The following KCNH8 variants were observed in gnomAD, a reference collection of about 807,000 sequenced individuals.
KCNH8 encodes voltage-gated delayed rectifier potassium channel KCNH8.
In KCNH8, 70 loss-of-function variants were observed where a neutral mutation model predicts 103.6. The ratio of observed to expected loss-of-function variants is 0.68; its 90% CI spans 0.56 to 0.82. KCNH8 has a LOEUF of 0.82. Among genes scored for constraint, KCNH8 ranks in the 40% least tolerant of loss-of-function variants. The probability of loss-of-function intolerance (pLI) is 0.00; values close to 1 mark genes in which losing one functional copy is unlikely to be tolerated. For missense variants in KCNH8, 1,217 were observed against 1,329.9 expected (o/e 0.92, Z 1.32); for synonymous variants, 498 against 489.4 (o/e 1.02, Z -0.23).
chr3:19,402,500 A>T (rs2066628157), intron 7 of KCNH8, among the ~76,000 whole-genome samples: 1 of 151,948 alleles, frequency 6.6e-6, no homozygotes, highest in Admixed American at 6.6e-5. Flanking sequence ...GCAAATTGAA[A>T]AGTGCTATAG....
At chr3:19,487,895 CAG>C (rs2068242842) in intron 11 of KCNH8, among the ~76,000 whole-genome samples, 1 of 152,176 alleles carries the variant, frequency 6.6e-6, no homozygotes, top group African/African-American at 2.4e-5. Flanking sequence ...CCGTGGTAGA[CAG>C]AAAGCCTGCT....
chr3:19,496,008 G>C (rs1038939429), intron 11 of KCNH8, among the ~76,000 whole-genome samples: 38 of 152,018 alleles, frequency 2.5e-4, no homozygotes, highest in African/African-American at 8.4e-4. Flanking sequence ...ATTGGATATT[G>C]TTCGTATACA....
intron 1 of KCNH8, among the ~76,000 whole-genome samples, chr3:19,206,277 A>G (rs944256098): frequency 7.6e-6 from 1 of 130,758 alleles, no homozygotes; most frequent in African/African-American, 4.3e-5. Context: ...CTATCTATAT[A>G]CATCACAGTT....
chr3:19,453,720 G>A (rs541866031), intron 10 of KCNH8, among the ~76,000 whole-genome samples: 8 of 152,232 alleles, frequency 5.3e-5, no homozygotes, highest in Admixed American at 2.0e-4. Context: ...TTTCTCCCAT[G>A]TGCGGACACA....
chr3:19,181,800 G>A (rs1406944365), intron 1 of KCNH8, among the ~76,000 whole-genome samples: 2 of 152,080 alleles, frequency 1.3e-5, no homozygotes, highest in African/African-American at 2.4e-5. Context: ...CCCTAATCTC[G>A]GCTGACAGTT....
chr3:19,486,698 C>T (rs1409227494), intron 11 of KCNH8, among the ~76,000 whole-genome samples: 1 of 152,186 alleles, frequency 6.6e-6, no homozygotes, highest in Non-Finnish European at 1.5e-5. Context: ...CTTGTAGAGG[C>T]TCCCATTTAA....
chr3:19,297,932 A>G lies in KCNH8; in HGVS notation c.442+16603A>G, dbSNP rs1192629797. ...TGTAACAATTTCTAGATTTGTAGAT[A>G]GGGGTTTTATTAATCACCTATGTTA... On this transcript the variant is annotated intron_variant, in intron 3 of 15. Transcript: ENST00000328405. Among the ~76,000 whole-genome samples, 4 of 152,304 alleles carry G rather than the reference A, an allele frequency of 2.6e-5. No homozygotes were observed. In the East Asian group the frequency reaches 7.7e-4, roughly 29 times the overall value.
chr3:19,439,303 A>G (rs952047958), intron 8 of KCNH8, among the ~76,000 whole-genome samples: 1 of 152,244 alleles, frequency 6.6e-6, no homozygotes, highest in Non-Finnish European at 1.5e-5. Context: ...AAAGAAATCA[A>G]ATTTTTAAAG....
intron 13 of KCNH8, among the ~76,000 whole-genome samples, chr3:19,514,194 G>A (rs2068835626): frequency 6.6e-6 from 1 of 151,874 alleles, no homozygotes; most frequent in South Asian, 2.1e-4. Flanking sequence ...TTCAAAGTTT[G>A]TTTTTCTACT....
intron 3 of KCNH8, among the ~76,000 whole-genome samples, chr3:19,304,913 T>C (rs947397526): frequency 1.3e-5 from 2 of 151,940 alleles, no homozygotes; most frequent in African/African-American, 4.8e-5. Flanking sequence ...TTGGAAAGCA[T>C]AGATCTAGGG....
At chr3:19,496,947 C>G (rs577946267) in intron 11 of KCNH8, among the ~76,000 whole-genome samples, 43 of 152,198 alleles carry the variant, frequency 2.8e-4, no homozygotes, top group Middle Eastern at 3.4e-3. Context: ...AGGAATTTAT[C>G]AGGTTCTTCT....
intron 5 of KCNH8, among the ~76,000 whole-genome samples, chr3:19,353,322 C>T (rs536199983): frequency 6.6e-6 from 1 of 152,186 alleles, no homozygotes; most frequent in Non-Finnish European, 1.5e-5. Context: ...GAGCTGGTAC[C>T]ATTCCTTCTG....
chr3:19,360,941 A>T (rs1267867279), intron 5 of KCNH8, among the ~76,000 whole-genome samples: 3 of 152,116 alleles, frequency 2.0e-5, no homozygotes, highest in Non-Finnish European at 4.4e-5. Flanking sequence ...TATGATGAGT[A>T]TTCATTTAAG....
chr3:19,239,674 CT>C (rs2064112263), intron 1 of KCNH8, among the ~76,000 whole-genome samples: 1 of 151,872 alleles, frequency 6.6e-6, no homozygotes, highest in African/African-American at 2.4e-5. Flanking sequence ...ATCTATCTAT[CT>C]ATCTATCTAC....
At chr3:19,487,095 G>T (rs1023748091) in intron 11 of KCNH8, among the ~76,000 whole-genome samples, 1 of 152,160 alleles carries the variant, frequency 6.6e-6, no homozygotes, top group African/African-American at 2.4e-5. Flanking sequence ...AACTTTTGCA[G>T]GTCTTGAGCC....
chr3:19,353,029 G>A (rs140880711), intron 5 of KCNH8, among the ~76,000 whole-genome samples: 2,723 of 151,712 alleles, frequency 0.018, 30 homozygotes, highest in Middle Eastern at 0.062. Flanking sequence ...TTGAATAGTC[G>A]CAATAAAAAT....
chr3:19,457,133 A>T, intron 11 of KCNH8, 151 bp downstream of exon 11: 1 of 566,354 alleles, frequency 1.8e-6, no homozygotes, highest in African/African-American at 1.9e-5. Context: ...CAATTAAATA[A>T]TTAGCGAGAA....
intron 3 of KCNH8, among the ~76,000 whole-genome samples, chr3:19,317,600 T>C (rs1197954641): frequency 1.3e-5 from 2 of 151,718 alleles, no homozygotes; most frequent in African/African-American, 4.9e-5. Context: ...GAAAAATAAA[T>C]TAAATATGAT....
At chr3:19,218,285 A>G (rs1253036717) in intron 1 of KCNH8, among the ~76,000 whole-genome samples, 1 of 152,216 alleles carries the variant, frequency 6.6e-6, no homozygotes, top group Non-Finnish European at 1.5e-5. Flanking sequence ...AAGTTAGTGA[A>G]CTTGTTGGAT....
Sources: gnomAD v4.1 joint callset for allele counts (sites outside exome capture counted in the v4.1 genomes callset) on GRCh38, gnomAD v4.1.1 for gene constraint, MANE v1.5 for transcripts, NCBI Gene and HGNC (gene_info 2026-07-23, HGNC 2026-07-21) for gene names.